The following INTU variants were observed in gnomAD, a reference collection of about 807,000 sequenced individuals.
The protein encoded by INTU is inturned planar cell polarity protein.
INTU carries 68 observed loss-of-function variants against 100.5 expected under a neutral mutation model. That is an observed-to-expected ratio of 0.68 (90% CI 0.56 to 0.83). The LOEUF (loss-of-function observed/expected upper bound fraction) is 0.83. Among genes scored for constraint, INTU ranks in the 40% least tolerant of loss-of-function variants. The pLI is 0.00. For synonymous variants in INTU, 357 were observed against 395.7 expected, an observed-to-expected ratio of 0.90 and a Z score of 1.16; for missense variants, 1,071 against 1,114.7, an observed-to-expected ratio of 0.96 and a Z score of 0.56.
rs11934177 is a variant in INTU, at chr4:127,708,721, G to A, written c.2369+53G>A. 5,742 of 872,182 alleles carry A rather than the reference G, an allele frequency of 6.6e-3. 224 individuals are homozygous for A. In the African/African-American group the frequency reaches 0.088, roughly 13 times the overall value. The allele number at this position is 872,182 out of a possible 1,614,324, so 54.0% of individuals were successfully genotyped here. On this transcript the variant is annotated intron_variant, in intron 13 of 15. Transcript: ENST00000335251. ...TTAAACTCAGGAAGTTTTACAGTGAGAAAGTACAATTTTATAACATGTATT... is the reference window on the plus strand; with the variant it reads ...TTAAACTCAGGAAGTTTTACAGTGAAAAAGTACAATTTTATAACATGTATT...
Position 127,643,602 on chromosome 4 carries a change from A to C in INTU, c.228A>C (p.Glu76Asp). Reference protein sequence around the residue: ...FYLELSEDEEESLLPETPTVN... With the variant: ...FYLELSEDEEDSLLPETPTVN... The stretch of plus-strand genomic sequence containing the variant: ...TGGAATTGAGTGAGGATGAAGAAGA[A>C]AGCCTCCTTCCTGAGACACCAACTG... The change falls in exon 2 of 16, where the codon GAA (glutamate) becomes GAC (aspartate). Residue 76 changes from glutamate to aspartate, a missense_variant. By Grantham distance (45) the Glu-to-Asp change is conservative. Coordinates refer to ENST00000335251, the MANE Select transcript of INTU (RefSeq NM_015693.4). The C allele has an allele frequency of 6.2e-7, 1 of 1,613,414 alleles. No homozygotes were observed. The highest frequency in any genetic ancestry group is 1.7e-4 in the Middle Eastern group (1 of 6,056).
chr4:127,646,454 C>T (rs938622172), intron 2 of INTU, among the ~76,000 whole-genome samples: 2 of 152,104 alleles, frequency 1.3e-5, no homozygotes, highest in African/African-American at 4.8e-5. Flanking sequence ...GGTCTGTGTG[C>T]TTCCATCAGG....
Position 127,710,917 on chromosome 4 carries a change from AC to A in INTU, c.2375del (p.Thr792AsnfsTer14). On this transcript the variant is annotated frameshift_variant, in exon 14 of 16. Transcript: ENST00000335251. LOFTEE classifies it high-confidence loss of function. ...TTGATTTTTTTTCTTTTTAAGACTG[AC>A]ATCTGGTCCTGAGAACACACTTTTC... Reference protein sequence around the residue: ...ELEIYNTVKLTSGPENTLFHY... With the variant: ...ELEIYNTVKLXSGPENTLFHY... 1.4e-6 allele frequency: 2 copies of A among 1,433,056 alleles called. No homozygotes were observed. The highest frequency in any genetic ancestry group is 1.9e-6 in the Non-Finnish European group (2 of 1,078,452). 88.8% of individuals were successfully genotyped at this position (1,433,056 alleles called of 1,614,324 possible).
intron 8 of INTU, among the ~76,000 whole-genome samples, chr4:127,692,095 TC>T (rs1040595275): frequency 2.0e-5 from 3 of 151,728 alleles, no homozygotes; most frequent in Non-Finnish European, 4.4e-5. Flanking sequence ...TATAATGACT[TC>T]TTTTCCTCTG....
At chr4:127,644,107 T>A in intron 2 of INTU, 51 bp downstream of exon 2, 1 of 1,533,920 alleles carries the variant, frequency 6.5e-7, no homozygotes, top group Non-Finnish European at 8.8e-7. Flanking sequence ...TCTTGATTAA[T>A]GATGACACCT....
chr4:127,650,024 T>G lies in INTU; in HGVS notation c.682+5968T>G, dbSNP rs926370103. On this transcript the variant is annotated intron_variant, in intron 2 of 15. Transcript: ENST00000335251. ...TATCAGATTTGGAAAACATACACATTTCTTTTAAAGTACACGGAAAAGGAA... is the reference window on the plus strand; with the variant it reads ...TATCAGATTTGGAAAACATACACATGTCTTTTAAAGTACACGGAAAAGGAA... 2.6e-5 allele frequency among the ~76,000 whole-genome samples: 4 copies of G among 152,172 alleles called. 1 individual carries two copies. The South Asian group carries it at 8.3e-4, about 32-fold the overall frequency.
chr4:127,670,174 G>A (rs887281969), intron 5 of INTU, among the ~76,000 whole-genome samples: 2 of 151,440 alleles, frequency 1.3e-5, no homozygotes, highest in Non-Finnish European at 3.0e-5. Flanking sequence ...ATAAATCTAA[G>A]AATTATAAAC....
chr4:127,640,196 C>CA (rs762639608), intron 1 of INTU, among the ~76,000 whole-genome samples: 25 of 151,986 alleles, frequency 1.6e-4, no homozygotes, highest in Non-Finnish European at 3.1e-4. Flanking sequence ...TTTCTATTGA[C>CA]AAGAGTCCTG....
At position 127,716,415 on chromosome 4, in the gene INTU, GTTC is replaced by G. The variant is rs1488227966; in HGVS notation, c.2811_2813del (p.Phe938del). 25 of 1,578,090 alleles carry G rather than the reference GTTC, an allele frequency of 1.6e-5. No homozygotes were observed. The highest frequency in any genetic ancestry group is 2.7e-5 in the African/African-American group (2 of 74,098). ...TTGCCATTGAAATAGCTTTTAAATT[GTTC>G]TTTGGGTTAACCTTGTAGCTGTGCT... On this transcript the variant is annotated inframe_deletion, in exon 16 of 16. Coordinates refer to ENST00000335251, the MANE Select transcript of INTU (RefSeq NM_015693.4).
intron 8 of INTU, among the ~76,000 whole-genome samples, chr4:127,689,025 G>A (rs1002714262): frequency 1.6e-5 from 2 of 128,038 alleles, no homozygotes; most frequent in African/African-American, 6.0e-5. Flanking sequence ...CACCCCAGCT[G>A]GAGTGGGAGT....
At chr4:127,683,171 C>A (rs771310373) in intron 6 of INTU, among the ~76,000 whole-genome samples, 1 of 152,110 alleles carries the variant, frequency 6.6e-6, no homozygotes, top group African/African-American at 2.4e-5. Flanking sequence ...GGAAGGGAGG[C>A]CATCTTCCCT....
Position 127,694,943 on chromosome 4 carries a change from C to T in INTU, c.1450-5067C>T, listed in dbSNP as rs377253480. 3.1e-4 allele frequency among the ~76,000 whole-genome samples: 47 copies of T among 152,242 alleles called. 1 individual carries two copies. In the South Asian group the frequency reaches 4.1e-3, roughly 13 times the overall value. ...AGTCTTAAAGTAGGATAGTATCAGT[C>T]CCCAGACTTTGTTCTCCTCATTCAA... On this transcript the variant is annotated intron_variant, in intron 8 of 15. Coordinates refer to ENST00000335251, the MANE Select transcript of INTU (RefSeq NM_015693.4).
chr4:127,656,741 A>G lies in INTU; in HGVS notation c.768+20A>G, dbSNP rs564504264. The G allele has an allele frequency of 3.3e-5, 48 of 1,437,254 alleles. No individual in the cohort carries two copies. The East Asian group carries it at 6.8e-4, about 21-fold the overall frequency. 89.0% of individuals were successfully genotyped at this position (1,437,254 alleles called of 1,614,324 possible). ...ATGCAGGTATGGACATTCTTTTTCT[A>G]TATTTTATGATGTTACATAAAATAA... On this transcript the variant is annotated intron_variant, in intron 3 of 15. Transcript: ENST00000335251.
At chr4:127,704,718 C>G (rs949812415) in intron 10 of INTU, among the ~76,000 whole-genome samples, 1 of 152,144 alleles carries the variant, frequency 6.6e-6, no homozygotes, top group African/African-American at 2.4e-5. Context: ...AAGCAATACT[C>G]AAAGAACCAA....
At chr4:127,641,984 G>T (rs2126176355) in intron 1 of INTU, among the ~76,000 whole-genome samples, 1 of 152,022 alleles carries the variant, frequency 6.6e-6, no homozygotes, top group East Asian at 1.9e-4. Flanking sequence ...AGATAATAAG[G>T]CTGATACACT....
intron 2 of INTU, among the ~76,000 whole-genome samples, chr4:127,644,882 A>G (rs547227280): frequency 1.3e-5 from 2 of 152,356 alleles, no homozygotes; most frequent in African/African-American, 2.4e-5. Flanking sequence ...TTAAATCTGA[A>G]TTTCATTTGT....
chr4:127,642,336 G>A (rs186307236), intron 1 of INTU, among the ~76,000 whole-genome samples: 65 of 152,252 alleles, frequency 4.3e-4, no homozygotes, highest in Non-Finnish European at 7.4e-4. Context: ...AGCTTGTTAG[G>A]CATTTTTAAA....
At chr4:127,675,904 G>A in intron 6 of INTU, 1 of 319,648 alleles carries the variant, frequency 3.1e-6, no homozygotes, top group Admixed American at 3.3e-5. Context: ...CTGTTTGTTA[G>A]AATTGAGTTA....
At chr4:127,671,176 G>A (rs1476328320) in intron 5 of INTU, among the ~76,000 whole-genome samples, 1 of 151,834 alleles carries the variant, frequency 6.6e-6, no homozygotes, top group African/African-American at 2.4e-5. Flanking sequence ...TCAATAGATA[G>A]CCTGCGGAAT....
Sources: gnomAD v4.1 joint callset for allele counts (sites outside exome capture counted in the v4.1 genomes callset) on GRCh38, gnomAD v4.1.1 for gene constraint, MANE v1.5 for transcripts, NCBI Gene and HGNC (gene_info 2026-07-23, HGNC 2026-07-21) for gene names.